B3GAT1: variants seen among roughly 807,000 people sequenced by gnomAD.
The protein encoded by B3GAT1 is beta-1,3-glucuronyltransferase 1, also known as galactosylgalactosylxylosylprotein 3-beta-glucuronosyltransferase 1.
In B3GAT1, 11 loss-of-function variants were observed where a neutral mutation model predicts 28.4. The observed-to-expected ratio is 0.39, with a 90% CI of 0.24 to 0.64. The LOEUF is 0.64. Among genes scored for constraint, B3GAT1 ranks in the 30% least tolerant of loss-of-function variants. The probability of loss-of-function intolerance (pLI) is 0.50; values close to 1 mark genes in which losing one functional copy is unlikely to be tolerated. For missense variants in B3GAT1, 375 were observed against 491.0 expected, an observed-to-expected ratio of 0.76 and a Z score of 2.23; for synonymous variants, 255 against 223.1, an observed-to-expected ratio of 1.14 and a Z score of -1.27.
rs1427223631 is a variant in B3GAT1, at chr11:134,384,009, G to C, written c.292C>G (p.Gln98Glu). The C allele has an allele frequency of 6.2e-7, 1 of 1,605,164 alleles. No homozygotes were observed. Among genetic ancestry groups the C allele is most frequent in the Admixed American group, 1.7e-5 (1 of 59,868 alleles). ...VVTPTYSRPVQKAELTRMANT... is the reference protein window; with the variant it reads ...VVTPTYSRPVEKAELTRMANT... ...GCCATGCGCGTCAGCTCGGCCTTCT[G>C]CACCGGGCGGCTGTAGGTGGGCGTC... Residue 98 changes from glutamine to glutamate, a missense_variant, in exon 3 of 6, where the codon CAG becomes GAG. Physicochemically the swap from Gln to Glu is conservative, Grantham distance 29. Coordinates refer to ENST00000312527, the MANE Select transcript of B3GAT1 (RefSeq NM_054025.3).
intron 1 of B3GAT1, among the ~76,000 whole-genome samples, chr11:134,401,400 T>A (rs1944610359): frequency 6.6e-6 from 1 of 152,234 alleles, no homozygotes; most frequent in Non-Finnish European, 1.5e-5. Flanking sequence ...TACGTAGCCA[T>A]AAAGAAGAAT....
intron 3 of B3GAT1, among the ~76,000 whole-genome samples, chr11:134,383,273 T>C (rs1204358339): frequency 6.6e-6 from 1 of 152,036 alleles, no homozygotes; most frequent in Non-Finnish European, 1.5e-5. Flanking sequence ...TGCTGTTTTC[T>C]CCCTTGTCTA....
In B3GAT1 at chr11:134,411,655, C is replaced by T. The variant is rs1008227250; in HGVS notation, c.-282+152G>A. On this transcript the variant is annotated intron_variant, in intron 1 of 5. Transcript: ENST00000312527. This position sits in a 1 kb window ranked among gnomAD's most constrained non-coding sequence, Gnocchi z 6.0. ...GTTCTCGGCCCCCTTTCCAGCTGCC[C>T]CCAGCGCGCGCAGCGCACACACACA... Among the ~76,000 whole-genome samples the T allele has an allele frequency of 1.3e-5, 2 of 148,626 alleles. No individual in the cohort carries two copies. Among genetic ancestry groups the T allele is most frequent in the Non-Finnish European group, 3.0e-5 (2 of 67,358 alleles).
At chr11:134,383,558 C>A in intron 3 of B3GAT1, 122 bp downstream of exon 3, 1 of 1,324,958 alleles carries the variant, frequency 7.5e-7, no homozygotes, top group Non-Finnish European at 1.0e-6. Context: ...GCCTGCCCCG[C>A]TCCCAGCCCG....
At chr11:134,395,342 C>T (rs75842822) in intron 1 of B3GAT1, among the ~76,000 whole-genome samples, 18,944 of 152,086 alleles carry the variant, frequency 0.12, 1,265 homozygotes, top group Non-Finnish European at 0.14. Context: ...GGACGCTGGA[C>T]AATGGTGAGC....
Position 134,411,731 on chromosome 11 carries a change from G to C in B3GAT1, c.-282+76C>G, listed in dbSNP as rs1199693921. 2.0e-5 allele frequency: 3 copies of C among 152,892 alleles called. No homozygotes were observed. Among genetic ancestry groups the C allele is most frequent in the Non-Finnish European group, 2.9e-5 (2 of 68,804 alleles). The allele number at this position is 152,892 out of a possible 1,614,324, so 9.5% of individuals were successfully genotyped here. ...CCCAGCGCGCGCCCGGGAGGACATG[G>C]CGTGGGCACCGATGGGGACGCAGAA... On this transcript the variant is annotated intron_variant, in intron 1 of 5. Transcript: ENST00000312527. The surrounding 1 kb of genome is among the most constrained non-coding windows in gnomAD (Gnocchi z 6.0).
intron 1 of B3GAT1, among the ~76,000 whole-genome samples, chr11:134,403,983 T>TATATA (rs1555098425): frequency 2.2e-4 from 9 of 40,684 alleles, no homozygotes; most frequent in African/African-American, 1.1e-3. Flanking sequence ...GTTTCTTTCT[T>TATATA]TATATATATA....
intron 1 of B3GAT1, among the ~76,000 whole-genome samples, chr11:134,410,282 C>T (rs1944828915): frequency 6.6e-6 from 1 of 152,234 alleles, no homozygotes; most frequent in Non-Finnish European, 1.5e-5. Context: ...CGCCTGCAAG[C>T]TTCCAGCTCA....
Position 134,378,691 on chromosome 11 carries a change from G to A in B3GAT1, c.*2071C>T, listed in dbSNP as rs1024319964. ...CAGCGAGGGAGCAGGGAACAGACTG[G>A]GTTTGGAAAACAGTGGTCATCATGG... On this transcript the variant is annotated 3_prime_UTR_variant, in exon 6 of 6. Coordinates refer to ENST00000312527, the MANE Select transcript of B3GAT1 (RefSeq NM_054025.3). 1 of 152,280 alleles carries A rather than the reference G, an allele frequency of 6.6e-6. No homozygotes were observed. The highest frequency in any genetic ancestry group is 6.5e-5 in the Admixed American group (1 of 15,306). 9.4% of individuals were successfully genotyped at this position (152,280 alleles called of 1,614,324 possible). A position where few individuals can be genotyped will look rare whatever the true frequency, so the allele number is the denominator to read the frequency against.
At chr11:134,409,742 T>C (rs1944814896) in intron 1 of B3GAT1, 2 of 152,266 alleles carry the variant, frequency 1.3e-5, no homozygotes, top group South Asian at 4.1e-4. Context: ...TCTGCCTGTG[T>C]GCCTCCCTCT....
At chr11:134,409,358 C>T (rs1275142851) in intron 1 of B3GAT1, among the ~76,000 whole-genome samples, 1 of 152,130 alleles carries the variant, frequency 6.6e-6, no homozygotes, top group Non-Finnish European at 1.5e-5. Context: ...CTCCTGAGTG[C>T]CAGGTTTCCC....
intron 1 of B3GAT1, among the ~76,000 whole-genome samples, chr11:134,394,432 G>A (rs547366191): frequency 6.6e-5 from 10 of 152,284 alleles, no homozygotes; most frequent in South Asian, 6.2e-4. Flanking sequence ...AGTGCCACCC[G>A]TGCCCACACC....
At chr11:134,394,028 T>A (rs755449557) in intron 1 of B3GAT1, among the ~76,000 whole-genome samples, 5 of 152,146 alleles carry the variant, frequency 3.3e-5, no homozygotes, top group Non-Finnish European at 7.4e-5. Flanking sequence ...TTCATTAACC[T>A]AACCCCGGCC....
rs754455175 is a variant in B3GAT1 at position 134,382,835 on chromosome 11, T to G, written c.793A>C (p.Ile265Leu). 10 of 1,614,182 alleles carry G rather than the reference T, an allele frequency of 6.2e-6. No individual in the cohort carries two copies. Among genetic ancestry groups the G allele is most frequent in the Non-Finnish European group, 8.5e-6 (10 of 1,180,018 alleles). The change falls in exon 4 of 6, where the codon ATT (isoleucine) becomes CTT (leucine). Residue 265 changes from isoleucine (I) to leucine (L), a missense_variant. Coordinates refer to ENST00000312527, the MANE Select transcript of B3GAT1 (RefSeq NM_054025.3). ...MAGFAVNLRL[I>L]LQRSQAYFKL... ...AAGTAGGCCTGGCTTCGCTGCAGAA[T>G]GAGCCGCAGGTTGACGGCAAATCCA...
At position 134,383,645 on chromosome 11, in the gene B3GAT1, G is replaced by A. The variant is rs1181911221; in HGVS notation, c.621+35C>T. 6 of 1,501,740 alleles carry A rather than the reference G, an allele frequency of 4.0e-6. No homozygotes were observed. In the East Asian group the frequency reaches 1.2e-4, roughly 30 times the overall value. The allele number at this position is 1,501,740 out of a possible 1,614,324, so 93.0% of individuals were successfully genotyped here. ...GAAGCCCCTCCACTCCCCGCAGCCGGAGGTCCCGCTGCTCACTGTCGGGCC... is the reference window on the plus strand; with the variant it reads ...GAAGCCCCTCCACTCCCCGCAGCCGAAGGTCCCGCTGCTCACTGTCGGGCC... On this transcript the variant is annotated intron_variant, in intron 3 of 5. Transcript: ENST00000312527.
rs1268058252 is a variant in B3GAT1 at position 134,387,899 on chromosome 11, G to A, written c.-240C>T. On this transcript the variant is annotated 5_prime_UTR_variant, in exon 2 of 6. Coordinates refer to ENST00000312527, the MANE Select transcript of B3GAT1 (RefSeq NM_054025.3). The stretch of plus-strand genomic sequence containing the variant: ...CCCAACTGGAGTCTGAGAAGGGGTC[G>A]CTGTCCAGGGGCAGGGGTCAGGAAC... The A allele has an allele frequency of 6.7e-6, 10 of 1,498,338 alleles. No homozygotes were observed. Among genetic ancestry groups the A allele is most frequent in the East Asian group, 2.6e-5 (1 of 38,254 alleles). 92.8% of individuals were successfully genotyped at this position (1,498,338 alleles called of 1,614,324 possible).
intron 1 of B3GAT1, among the ~76,000 whole-genome samples, chr11:134,395,228 G>A (rs1000782088): frequency 6.6e-6 from 1 of 152,214 alleles, no homozygotes; most frequent in African/African-American, 2.4e-5. Flanking sequence ...GTGGGGAAGC[G>A]GGGATGGGCA....
intron 1 of B3GAT1, among the ~76,000 whole-genome samples, chr11:134,401,970 C>CGGG (rs536585130): frequency 1.0e-3 from 12 of 11,516 alleles, no homozygotes; most frequent in African/African-American, 2.7e-3. Flanking sequence ...TGGCCTGGGG[C>CGGG]GGGGGGGGGC....
At chr11:134,387,403 G>C (rs548339059) in intron 2 of B3GAT1, 145 bp downstream of exon 2, 2 of 1,075,410 alleles carry the variant, frequency 1.9e-6, no homozygotes, top group South Asian at 3.3e-5. Flanking sequence ...TTCCCAAAGG[G>C]GTGCAAGACT....
Sources: gnomAD v4.1 joint callset for allele counts (sites outside exome capture counted in the v4.1 genomes callset) on GRCh38, gnomAD v4.1.1 for gene constraint, Gnocchi (gnomAD v3.1) non-coding constraint, MANE v1.5 for transcripts, NCBI Gene and HGNC (gene_info 2026-07-23, HGNC 2026-07-21) for gene names.